Variants in NCKAP5 observed in about 807,000 individuals in gnomAD.
The protein encoded by NCKAP5 is NCK associated protein 5.
A neutral mutation model predicts 167.0 loss-of-function variants in NCKAP5; 92 were observed. The observed-to-expected ratio is 0.55, with a 90% CI of 0.47 to 0.66. The LOEUF is 0.66. Ranked by LOEUF, NCKAP5 falls within the 30% of genes least tolerant of loss-of-function variation. NCKAP5 has a pLI of 0.00. For missense variants in NCKAP5, 2,378 were observed against 2,315.0 expected (o/e 1.03, Z -0.56); for synonymous variants, 891 against 877.4 (o/e 1.02, Z -0.27).
chr2:132,713,138 C>T (rs1221902384), intron 19 of NCKAP5, among the ~76,000 whole-genome samples: 1 of 149,508 alleles, frequency 6.7e-6, no homozygotes, highest in Non-Finnish European at 1.5e-5. Context: ...CAATGAAAGA[C>T]TGGAAAGATG....
chr2:132,862,362 A>G (rs1405263284), intron 10 of NCKAP5, among the ~76,000 whole-genome samples: 1 of 152,198 alleles, frequency 6.6e-6, no homozygotes, highest in African/African-American at 2.4e-5. Flanking sequence ...TAAATGGGTA[A>G]AGCTTATGTA....
intron 8 of NCKAP5, among the ~76,000 whole-genome samples, chr2:132,912,486 A>G (rs376915216): frequency 1.3e-5 from 2 of 152,178 alleles, no homozygotes; most frequent in Non-Finnish European, 2.9e-5. Flanking sequence ...TGCTCATTCA[A>G]TGAACATTCT....
At chr2:133,293,130 C>T (rs184524266) in intron 4 of NCKAP5, among the ~76,000 whole-genome samples, 57 of 152,212 alleles carry the variant, frequency 3.7e-4, no homozygotes, top group Admixed American at 1.2e-3. Flanking sequence ...CCTCAATGCC[C>T]CAGTGGAATA....
intron 6 of NCKAP5, among the ~76,000 whole-genome samples, chr2:133,128,721 C>G (rs537137332): frequency 6.6e-6 from 1 of 152,154 alleles, no homozygotes; most frequent in Middle Eastern, 3.4e-3. Flanking sequence ...CCTCAGCCTC[C>G]CGAGTAGCTG....
chr2:133,642,765 G>A, the NCKAP5 span, among the ~76,000 whole-genome samples: 2 of 152,192 alleles, frequency 1.3e-5, no homozygotes, highest in African/African-American at 2.4e-5. Context: ...AACTGCAGAT[G>A]AACTAGATTC....
chr2:132,949,794 T>A (rs1005148729), intron 8 of NCKAP5, among the ~76,000 whole-genome samples: 1 of 152,196 alleles, frequency 6.6e-6, no homozygotes, highest in African/African-American at 2.4e-5. Flanking sequence ...GAACATGGAA[T>A]AAATACATTA....
At chr2:133,418,158 A>C (rs536183402) in intron 3 of NCKAP5, among the ~76,000 whole-genome samples, 1 of 152,320 alleles carries the variant, frequency 6.6e-6, no homozygotes, top group Non-Finnish European at 1.5e-5. Context: ...CTAGCATCAG[A>C]AGCTGCTACA....
chr2:132,825,326 T>C (rs984489578), intron 11 of NCKAP5, among the ~76,000 whole-genome samples: 1 of 152,156 alleles, frequency 6.6e-6, no homozygotes, highest in Admixed American at 6.5e-5. Context: ...TAATGCATGA[T>C]AATGAGGGAT....
chr2:133,666,082 T>C, the NCKAP5 span, among the ~76,000 whole-genome samples: 2 of 151,974 alleles, frequency 1.3e-5, no homozygotes, highest in Non-Finnish European at 1.5e-5. Flanking sequence ...TACATATATG[T>C]AGAGAAATAC....
chr2:133,655,102 A>C, the NCKAP5 span, among the ~76,000 whole-genome samples: 1 of 152,190 alleles, frequency 6.6e-6, no homozygotes, highest in Non-Finnish European at 1.5e-5. Flanking sequence ...ATAGCTAGTG[A>C]CATCATGGCA....
At chr2:132,728,781 G>A in intron 18 of NCKAP5, 35 bp downstream of exon 18, 1 of 1,606,694 alleles carries the variant, frequency 6.2e-7, no homozygotes, top group Non-Finnish European at 8.5e-7. Flanking sequence ...GGACCAACAG[G>A]TGGATTGCAC....
At chr2:132,682,514 TAAG>T (rs1382145857) in intron 19 of NCKAP5, among the ~76,000 whole-genome samples, 1 of 152,208 alleles carries the variant, frequency 6.6e-6, no homozygotes, top group Non-Finnish European at 1.5e-5. Context: ...GAATACATGT[TAAG>T]GACTTTTTAA....
chr2:133,359,933 G>A (rs1433231230), intron 3 of NCKAP5, among the ~76,000 whole-genome samples: 1 of 152,138 alleles, frequency 6.6e-6, no homozygotes, highest in African/African-American at 2.4e-5. Context: ...TGGAAACTGA[G>A]GGCGAAATTG....
chr2:133,317,952 G>A lies in NCKAP5; in HGVS notation c.70-14842C>T, dbSNP rs370517181. Among the ~76,000 whole-genome samples the A allele has an allele frequency of 1.9e-4, 29 of 152,276 alleles. No homozygotes were observed. The East Asian group carries it at 4.2e-3, about 22-fold the overall frequency. On this transcript the variant is annotated intron_variant, in intron 3 of 19. Transcript: ENST00000409261. Reference sequence around the variant, plus strand: ...CCTGGAAACAGAGGAATCCCTTCAGGGGGCTGTGTATATTTTCACTGTGCA... The same window carrying A: ...CCTGGAAACAGAGGAATCCCTTCAGAGGGCTGTGTATATTTTCACTGTGCA...
At chr2:132,675,756 CT>C (rs1278081181) in intron 19 of NCKAP5, among the ~76,000 whole-genome samples, 1 of 151,418 alleles carries the variant, frequency 6.6e-6, no homozygotes, top group Non-Finnish European at 1.5e-5. Context: ...ATGTTTCAGG[CT>C]TACAGATTTG....
chr2:133,235,929 A>C (rs1472643483), intron 4 of NCKAP5, among the ~76,000 whole-genome samples: 2 of 151,664 alleles, frequency 1.3e-5, no homozygotes, highest in Admixed American at 6.6e-5. Context: ...ATGCAAAAAA[A>C]TGGTGGCTTG....
At chr2:133,315,081 A>C (rs1444762876) in intron 3 of NCKAP5, among the ~76,000 whole-genome samples, 1 of 152,156 alleles carries the variant, frequency 6.6e-6, no homozygotes, top group African/African-American at 2.4e-5. Context: ...TTTTGTTCTC[A>C]GTGACATAGG....
At chr2:133,431,880 A>C (rs1303837219) in intron 3 of NCKAP5, 1 of 152,206 alleles carries the variant, frequency 6.6e-6, no homozygotes, top group Non-Finnish European at 1.5e-5. Flanking sequence ...ATCCATTTAC[A>C]TGAGTATAAA....
intron 7 of NCKAP5, among the ~76,000 whole-genome samples, chr2:132,977,230 C>A (rs1417252611): frequency 2.0e-5 from 3 of 152,154 alleles, no homozygotes; most frequent in Non-Finnish European, 4.4e-5. Flanking sequence ...GATGCTTTAC[C>A]TCTGATGACA....
Sources: gnomAD v4.1 joint callset for allele counts (sites outside exome capture counted in the v4.1 genomes callset) on GRCh38, gnomAD v4.1.1 for gene constraint, MANE v1.5 for transcripts, NCBI Gene and HGNC (gene_info 2026-07-23, HGNC 2026-07-21) for gene names.